The following TCF7L2 variants were observed in gnomAD, a reference collection of about 807,000 sequenced individuals.
TCF7L2 encodes the protein transcription factor 7-like 2.
In TCF7L2, 23 loss-of-function variants were observed where a neutral mutation model predicts 77.9. The ratio of observed to expected loss-of-function variants is 0.30; its 90% CI spans 0.21 to 0.42. The LOEUF (loss-of-function observed/expected upper bound fraction) is 0.42, where lower values mean the gene tolerates loss of function less well. TCF7L2 is among the 10% of genes least tolerant of loss of function. The pLI, the probability that TCF7L2 is intolerant of heterozygous loss-of-function variation, is 1.00. For missense variants in TCF7L2, 654 were observed against 793.1 expected, an observed-to-expected ratio of 0.82 and a Z score of 2.11; for synonymous variants, 413 against 340.2, an observed-to-expected ratio of 1.21 and a Z score of -2.36.
chr10:112,971,118 A>C (rs140593497), intron 4 of TCF7L2, among the ~76,000 whole-genome samples: 125 of 152,344 alleles, frequency 8.2e-4, no homozygotes, highest in African/African-American at 2.7e-3. Context: ...GTGCCAGGCC[A>C]CTGGAGAATT....
rs886111393 is a variant in TCF7L2, at chr10:113,129,762, G to A, written c.553-11422G>A. On this transcript the variant is annotated intron_variant, in intron 5 of 13. Coordinates refer to ENST00000627217, the MANE Select transcript of TCF7L2 (RefSeq NM_001146274.2). ...GGAAGCTGGGAGGAAAAAGAAAAGT[G>A]AGAAAAGCAGAAAGGGAGGAGGAAG... 1.4e-5 allele frequency: 18 copies of A among 1,259,242 alleles called. No homozygotes were observed. In the African/African-American group the frequency reaches 2.2e-4, roughly 15 times the overall value. The allele number at this position is 1,259,242 out of a possible 1,614,324, so 78.0% of individuals were successfully genotyped here.
intron 6 of TCF7L2, among the ~76,000 whole-genome samples, chr10:113,141,816 A>G (rs73362207): frequency 0.087 from 13,289 of 152,256 alleles, 1,004 homozygotes; most frequent in Admixed American, 0.24. Context: ...TCAAAAAGCC[A>G]CATCACTGGA....
At chr10:113,127,209 T>C (rs1286121554) in intron 5 of TCF7L2, among the ~76,000 whole-genome samples, 1 of 150,572 alleles carries the variant, frequency 6.6e-6, no homozygotes, top group Non-Finnish European at 1.5e-5. Context: ...TTTTTATTAT[T>C]ATTAACTTGG....
At chr10:112,955,194 T>C (rs530031636) in intron 3 of TCF7L2, among the ~76,000 whole-genome samples, 1 of 151,582 alleles carries the variant, frequency 6.6e-6, no homozygotes, top group South Asian at 2.1e-4. Flanking sequence ...ATTACACAGG[T>C]CATTACATTT....
chr10:113,159,412 C>T (rs926020085), intron 12 of TCF7L2, among the ~76,000 whole-genome samples: 2 of 151,818 alleles, frequency 1.3e-5, no homozygotes, highest in South Asian at 2.1e-4. Flanking sequence ...TATTTTGTTT[C>T]GTTTTGTTCT....
chr10:113,143,222 C>T (rs193235797), intron 6 of TCF7L2, among the ~76,000 whole-genome samples: 8 of 152,358 alleles, frequency 5.3e-5, no homozygotes, highest in African/African-American at 1.4e-4. Context: ...TTAGCCCCTG[C>T]GACGCACGCG....
At position 113,087,421 on chromosome 10, in the gene TCF7L2, A is replaced by T. The variant is rs115232374; in HGVS notation, c.552+47295A>T. Among the ~76,000 whole-genome samples, 513 of 152,338 alleles carry T rather than the reference A, an allele frequency of 3.4e-3. 2 individuals are homozygous for T. Among genetic ancestry groups the T allele is most frequent in the African/African-American group, 0.012 (487 of 41,564 alleles). ...CTCATGTTGCTGGGTTCCTTCTAGA[A>T]ACAATTGGAGGGCTAACCAAGTCAC... is the stretch of plus-strand genomic sequence containing the variant. On this transcript the variant is annotated intron_variant, in intron 5 of 13. Coordinates refer to ENST00000627217, the MANE Select transcript of TCF7L2 (RefSeq NM_001146274.2).
At chr10:113,111,361 T>C (rs2063107728) in intron 5 of TCF7L2, among the ~76,000 whole-genome samples, 2 of 152,126 alleles carry the variant, frequency 1.3e-5, no homozygotes, top group African/African-American at 4.8e-5. Context: ...GAGCCAGGCA[T>C]GAAATAGGCA....
chr10:113,041,108 C>T (rs2052366476), intron 5 of TCF7L2, among the ~76,000 whole-genome samples: 1 of 152,172 alleles, frequency 6.6e-6, no homozygotes, highest in Non-Finnish European at 1.5e-5. Context: ...GGCTAACTGC[C>T]TCCTTATTTT....
intron 5 of TCF7L2, among the ~76,000 whole-genome samples, chr10:113,098,371 C>T (rs990359083): frequency 2.0e-5 from 3 of 152,014 alleles, no homozygotes; most frequent in South Asian, 2.1e-4. Flanking sequence ...CCTGATTTAA[C>T]GTATGAGGGT....
At chr10:113,047,952 G>A (rs1175836816) in intron 5 of TCF7L2, among the ~76,000 whole-genome samples, 2 of 152,088 alleles carry the variant, frequency 1.3e-5, no homozygotes, top group African/African-American at 2.4e-5. Context: ...ATGTTAACAA[G>A]GTTACTGGAA....
At chr10:113,066,442 A>T (rs766376333) in intron 5 of TCF7L2, among the ~76,000 whole-genome samples, 1 of 152,202 alleles carries the variant, frequency 6.6e-6, no homozygotes, top group Non-Finnish European at 1.5e-5. Context: ...TCTTAACTGT[A>T]TCTACTTACC....
At chr10:112,986,473 G>A (rs1210159114) in intron 4 of TCF7L2, among the ~76,000 whole-genome samples, 1 of 152,172 alleles carries the variant, frequency 6.6e-6, no homozygotes, top group African/African-American at 2.4e-5. Flanking sequence ...TTAACAGCTG[G>A]TTTGGTTTGA....
rs566161296 is a variant in TCF7L2 at position 113,167,423 on chromosome 10, G to A, written c.*1451G>A. Reference sequence around the variant, plus strand: ...TGAAACCTGTTCATTCAGTGCCATTGTAGTTGACATGAAGCGATTGTAAAA... The same window carrying A: ...TGAAACCTGTTCATTCAGTGCCATTATAGTTGACATGAAGCGATTGTAAAA... On this transcript the variant is annotated 3_prime_UTR_variant, in exon 14 of 14. Transcript: ENST00000627217. The A allele has an allele frequency of 8.9e-6, 2 of 225,258 alleles. No individual in the cohort carries two copies. The highest frequency in any genetic ancestry group is 1.8e-4 in the South Asian group (1 of 5,448). 14.0% of individuals were successfully genotyped at this position (225,258 alleles called of 1,614,324 possible). A position where few individuals can be genotyped will look rare whatever the true frequency, so the allele number is the denominator to read the frequency against.
intron 4 of TCF7L2, among the ~76,000 whole-genome samples, chr10:112,965,676 T>C (rs1031639957): frequency 6.9e-6 from 1 of 145,160 alleles, no homozygotes; most frequent in Non-Finnish European, 1.5e-5. Flanking sequence ...TGTGTGTGTG[T>C]GGTCTTAGGT....
At chr10:113,016,323 T>TC (rs2133763215) in intron 4 of TCF7L2, among the ~76,000 whole-genome samples, 1 of 152,340 alleles carries the variant, frequency 6.6e-6, no homozygotes, top group Non-Finnish European at 1.5e-5. Context: ...CACCTCGGCC[T>TC]CCCGAAGTGC....
chr10:113,148,324 C>G (rs1013946658), intron 8 of TCF7L2, among the ~76,000 whole-genome samples: 11 of 152,058 alleles, frequency 7.2e-5, no homozygotes, highest in African/African-American at 2.7e-4. Context: ...CTGCCGGCTT[C>G]AAAGGGAGCG....
At chr10:113,145,601 C>T (rs1003609834) in intron 7 of TCF7L2, among the ~76,000 whole-genome samples, 8 of 151,978 alleles carry the variant, frequency 5.3e-5, no homozygotes, top group African/African-American at 9.7e-5. Context: ...AGGCCCAAAG[C>T]GCAACTGAAG....
At chr10:113,016,936 C>G (rs907818294) in intron 4 of TCF7L2, among the ~76,000 whole-genome samples, 1 of 152,136 alleles carries the variant, frequency 6.6e-6, no homozygotes, top group Non-Finnish European at 1.5e-5. Flanking sequence ...GCTGGTGTCT[C>G]TCTGCCCGGA....
Sources: allele counts gnomAD v4.1 joint callset (sites outside exome capture counted in the v4.1 genomes callset), GRCh38; gene constraint gnomAD v4.1.1; transcripts MANE v1.5; gene names NCBI Gene and HGNC (gene_info 2026-07-23, HGNC 2026-07-21).